The following CLDN14 variants were observed in gnomAD, a reference collection of about 807,000 sequenced individuals.
CLDN14 encodes the protein claudin-14.
CLDN14 carries 2 observed loss-of-function variants against 2.1 expected under a neutral mutation model. The ratio of observed to expected loss-of-function variants is 0.96; its 90% CI spans 0.39 to 3.01. CLDN14 has a LOEUF of 3.01. CLDN14 is among the 30% of genes most tolerant of loss of function. The pLI is 0.09. For missense variants in CLDN14, 298 were observed against 328.0 expected (o/e 0.91, Z 0.71); for synonymous variants, 136 against 154.4 (o/e 0.88, Z 0.88).
At chr21:36,554,860 G>A (rs1449307293) in intron 1 of CLDN14, among the ~76,000 whole-genome samples, 7 of 152,162 alleles carry the variant, frequency 4.6e-5, no homozygotes, top group Non-Finnish European at 8.8e-5. Flanking sequence ...GCCTGGGAAG[G>A]GTCTGCAAAG....
intron 2 of CLDN14, among the ~76,000 whole-genome samples, chr21:36,496,405 C>A (rs1185439016): frequency 1.4e-5 from 2 of 146,928 alleles, no homozygotes; most frequent in African/African-American, 2.6e-5. Context: ...CCACTACACT[C>A]CAACTAGGGA....
At chr21:36,537,164 C>T (rs1419593996) in intron 1 of CLDN14, among the ~76,000 whole-genome samples, 1 of 152,026 alleles carries the variant, frequency 6.6e-6, no homozygotes, top group Admixed American at 6.5e-5. Context: ...GCACTCCAGC[C>T]TAGGCAACAA....
intron 1 of CLDN14, among the ~76,000 whole-genome samples, chr21:36,533,239 C>A (rs2146503360): frequency 6.6e-6 from 1 of 152,280 alleles, no homozygotes; most frequent in African/African-American, 2.4e-5. Flanking sequence ...AGGGTCCAGC[C>A]AGGCAGAGAG....
chr21:36,560,664 T>C (rs887060307), intron 1 of CLDN14, among the ~76,000 whole-genome samples: 14 of 152,204 alleles, frequency 9.2e-5, no homozygotes, highest in Non-Finnish European at 1.0e-4. Context: ...TTTTAATTCT[T>C]CCTTGTTTCT....
chr21:36,565,701 G>T, intron 1 of CLDN14, among the ~76,000 whole-genome samples: 1 of 152,172 alleles, frequency 6.6e-6, no homozygotes, highest in East Asian at 1.9e-4. Flanking sequence ...CCTTCAGAAA[G>T]CCCAGTACCC....
At chr21:36,541,343 C>G (rs936274002) in intron 1 of CLDN14, among the ~76,000 whole-genome samples, 3 of 152,110 alleles carry the variant, frequency 2.0e-5, no homozygotes, top group African/African-American at 7.2e-5. Flanking sequence ...TACAAGAAAA[C>G]TACTGAAAAG....
intron 1 of CLDN14, among the ~76,000 whole-genome samples, chr21:36,522,759 A>G (rs1186567641): frequency 6.6e-6 from 1 of 152,114 alleles, no homozygotes; most frequent in Non-Finnish European, 1.5e-5. Context: ...GCTGAAGGTA[A>G]GTTTGAGAGG....
At chr21:36,524,712 C>T (rs1459193534) in intron 1 of CLDN14, among the ~76,000 whole-genome samples, 1 of 152,196 alleles carries the variant, frequency 6.6e-6, no homozygotes, top group Non-Finnish European at 1.5e-5. Context: ...CATTCAGAGA[C>T]AGCCACTGGC....
intron 1 of CLDN14, among the ~76,000 whole-genome samples, chr21:36,463,044 A>G (rs1260014480): frequency 1.3e-5 from 2 of 152,030 alleles, no homozygotes; most frequent in African/African-American, 2.4e-5. Context: ...AGAGAAAGGA[A>G]GGAAAAAAAG....
intron 1 of CLDN14, among the ~76,000 whole-genome samples, chr21:36,522,469 C>CGTGTCCA (rs1555851247): frequency 2.6e-5 from 4 of 152,204 alleles, no homozygotes; most frequent in African/African-American, 7.2e-5. Flanking sequence ...GCAAAGCCTG[C>CGTGTCCA]GTGCCCAGCA....
chr21:36,574,357 T>C (rs920905086), intron 1 of CLDN14, among the ~76,000 whole-genome samples: 3 of 152,138 alleles, frequency 2.0e-5, no homozygotes, highest in Admixed American at 6.5e-5. Context: ...ATTCATACAA[T>C]GGAATACTAT....
intron 1 of CLDN14, among the ~76,000 whole-genome samples, chr21:36,569,503 T>C (rs2087694036): frequency 6.6e-6 from 1 of 152,246 alleles, no homozygotes; most frequent in South Asian, 2.1e-4. Flanking sequence ...GGGAACACTC[T>C]TCATTCTGAA....
rs369688436 is a variant in CLDN14, at chr21:36,461,156, C to T, written c.540G>A (p.Leu180=). Residue 180 remains leucine (L), a synonymous_variant, in exon 2 of 2, where the codon CTG becomes CTA. Transcript: ENST00000399135. The part of the protein sequence containing the change: ...SSSLSLIGGT[L]LCLSCQDEAP... ...CCTCGTCCTGGCAGGACAGGCAAAG[C>T]AGGGTGCCACCAATGAGCGAGAGGG... The T allele has an allele frequency of 3.7e-6, 6 of 1,613,726 alleles. No homozygotes were observed. Among genetic ancestry groups the T allele is most frequent in the African/African-American group, 2.7e-5 (2 of 74,938 alleles).
chr21:36,482,852 G>A (rs1161565641), upstream of CLDN14, among the ~76,000 whole-genome samples: 1 of 152,178 alleles, frequency 6.6e-6, no homozygotes, highest in Non-Finnish European at 1.5e-5. Flanking sequence ...TAAGGAGACT[G>A]CTTGTGTCAA....
intron 1 of CLDN14, among the ~76,000 whole-genome samples, chr21:36,530,217 A>G (rs2087368398): frequency 6.7e-6 from 1 of 148,726 alleles, no homozygotes; most frequent in Non-Finnish European, 1.5e-5. Flanking sequence ...TTCAGATTTC[A>G]TTTCAGCCAC....
chr21:36,543,438 G>C (rs2087506098), intron 1 of CLDN14, among the ~76,000 whole-genome samples: 1 of 152,212 alleles, frequency 6.6e-6, no homozygotes, highest in South Asian at 2.1e-4. Context: ...AAACAAAAGA[G>C]AGTGATAGGG....
chr21:36,560,194 ATTTC>A (rs1225205029), intron 1 of CLDN14, among the ~76,000 whole-genome samples: 2 of 148,980 alleles, frequency 1.3e-5, no homozygotes, highest in Admixed American at 1.4e-4. Flanking sequence ...TACGTTAGTC[ATTTC>A]TTTCTATTCC....
rs34437515 is a variant in CLDN14 at position 36,537,989 on chromosome 21, A to ATGTGTGTG, written c.-219-27497_-219-27490dup. Among the ~76,000 whole-genome samples the ATGTGTGTG allele has an allele frequency of 2.5e-3, 377 of 149,176 alleles. 1 individual carries two copies. Among genetic ancestry groups the ATGTGTGTG allele is most frequent in the African/African-American group, 4.5e-3 (182 of 40,640 alleles). On this transcript the variant is annotated intron_variant, in intron 1 of 2. Coordinates refer to the CLDN14 transcript ENST00000342108. The stretch of plus-strand genomic sequence containing the variant: ...ATGGTTAAGAAAAAATCAAAACAAA[A>ATGTGTGTG]TGTGTGTGTGTGTGTGTGTGTGTGT...
intron 1 of CLDN14, among the ~76,000 whole-genome samples, chr21:36,552,239 C>T (rs1317045743): frequency 1.3e-5 from 2 of 152,228 alleles, no homozygotes; most frequent in South Asian, 2.1e-4. Flanking sequence ...CTTTTCTCAG[C>T]GGCAAAATAT....
Sources: allele counts gnomAD v4.1 joint callset (sites outside exome capture counted in the v4.1 genomes callset), GRCh38; gene constraint gnomAD v4.1.1; transcripts MANE v1.5; gene names NCBI Gene and HGNC (gene_info 2026-07-23, HGNC 2026-07-21).